The following ANK3 variants were observed in gnomAD, a reference collection of about 807,000 sequenced individuals.
ANK3 encodes the protein ankyrin-3.
Under a neutral mutation model 370.9 loss-of-function variants are expected in ANK3, and 57 were observed. The observed-to-expected ratio is 0.15, with a 90% CI of 0.12 to 0.19. The LOEUF is 0.19. ANK3 is among the 10% of genes least tolerant of loss of function. The pLI is 1.00. For missense variants in ANK3, 4,439 were observed against 5,302.1 expected, an observed-to-expected ratio of 0.84 and a Z score of 5.06; for synonymous variants, 1,929 against 1,946.3, an observed-to-expected ratio of 0.99 and a Z score of 0.23.
Position 60,075,307 on chromosome 10 carries a change from T to C in ANK3, c.5574A>G (p.Thr1858=), listed in dbSNP as rs1353107225. The change falls in exon 37 of 44, where the codon ACA becomes ACG. Residue 1858 remains threonine (T), a synonymous_variant. Coordinates refer to ENST00000280772, the MANE Select transcript of ANK3 (RefSeq NM_020987.5). ...SAAALLSPIK[T]LTTETHPQPH... ...GCTGAGGATGTGTCTCCGTAGTCAA[T>C]GTTTTAATGGGTGACAGCAAGGCTG... 1 of 1,614,198 alleles carries C rather than the reference T, an allele frequency of 6.2e-7. No individual in the cohort carries two copies. The highest frequency in any genetic ancestry group is 8.5e-7 in the Non-Finnish European group (1 of 1,180,018).
intron 30 of ANK3, among the ~76,000 whole-genome samples, chr10:60,086,204 G>A (rs997587890): frequency 6.6e-6 from 1 of 152,148 alleles, no homozygotes; most frequent in Non-Finnish European, 1.5e-5. Flanking sequence ...TTACACTGGC[G>A]AGTACAGTAG....
intron 29 of ANK3, 31 bp from the exon 30 acceptor site, chr10:60,086,915 G>T (rs775403258): frequency 8.6e-6 from 10 of 1,169,528 alleles, no homozygotes; most frequent in Non-Finnish European, 1.1e-5. Flanking sequence ...TTAAATGAAA[G>T]TGACTTTTTT....
At position 60,728,786 on chromosome 10, in the gene ANK3, A is replaced by C. The variant is rs180831340; in HGVS notation, c.57+4477T>G. Reference sequence around the variant, plus strand: ...CCATCAGTTACCAGACAAAGGTTCCAATCCAATTTCAGGTTACCAAATTAC... The same window carrying C: ...CCATCAGTTACCAGACAAAGGTTCCCATCCAATTTCAGGTTACCAAATTAC... On this transcript the variant is annotated intron_variant, in intron 1 of 43. Transcript: ENST00000373827. Among the ~76,000 whole-genome samples, 191 of 152,306 alleles carry C rather than the reference A, an allele frequency of 1.3e-3. 2 individuals carry two copies. Among genetic ancestry groups the C allele is most frequent in the African/African-American group, 4.4e-3 (184 of 41,578 alleles).
intron 1 of ANK3, among the ~76,000 whole-genome samples, chr10:60,308,918 T>C (rs2045773278): frequency 1.3e-5 from 2 of 152,144 alleles, no homozygotes; most frequent in African/African-American, 2.4e-5. Context: ...GGTGCTGTTT[T>C]TCCCACTGAG....
intron 7 of ANK3, among the ~76,000 whole-genome samples, chr10:60,236,246 A>AAGTCTTTTAAGTCTTTCTTAATCTCC (rs1565887834): frequency 3.9e-5 from 6 of 152,168 alleles, no homozygotes; most frequent in African/African-American, 1.2e-4. Context: ...AATTATCTCT[A>AAGTCTTTTAAGTCTTTCTTAATCTCC]ACAGATGAGG....
At chr10:60,228,403 G>A (rs111592566) in intron 8 of ANK3, among the ~76,000 whole-genome samples, 3,626 of 151,776 alleles carry the variant, frequency 0.024, 141 homozygotes, top group African/African-American at 0.08. Context: ...GCGAGGTGGC[G>A]TGTGCCTGTA....
chr10:60,191,326 C>G (rs2096475346), intron 16 of ANK3, among the ~76,000 whole-genome samples: 1 of 151,644 alleles, frequency 6.6e-6, no homozygotes. Context: ...AAAATATTCA[C>G]AACTATGCAT....
At chr10:60,395,755 G>T (rs538713118) in intron 2 of ANK3, among the ~76,000 whole-genome samples, 1 of 152,036 alleles carries the variant, frequency 6.6e-6, no homozygotes, top group African/African-American at 2.4e-5. Flanking sequence ...CACCCTGCTG[G>T]TCACTGTGTT....
chr10:60,404,862 C>T (rs1305443992), intron 2 of ANK3, among the ~76,000 whole-genome samples: 2 of 151,984 alleles, frequency 1.3e-5, no homozygotes, highest in Non-Finnish European at 2.9e-5. Context: ...TCCAACAAAT[C>T]AAAACAAAAA....
chr10:60,637,812 T>A (rs2078576034), intron 1 of ANK3, among the ~76,000 whole-genome samples: 1 of 152,192 alleles, frequency 6.6e-6, no homozygotes, highest in East Asian at 1.9e-4. Context: ...AAAGATTAAC[T>A]GCTATAGGAA....
chr10:60,189,774 C>A (rs965211673), intron 16 of ANK3, among the ~76,000 whole-genome samples: 2 of 152,070 alleles, frequency 1.3e-5, no homozygotes, highest in African/African-American at 4.8e-5. Flanking sequence ...TGTAGAGGAC[C>A]AAGTGCTTGC....
At position 60,088,331 on chromosome 10, in the gene ANK3, T is replaced by C; in HGVS notation, c.3356A>G (p.Lys1119Arg). The C allele has an allele frequency of 6.2e-7, 1 of 1,614,206 alleles. No homozygotes were observed. The highest frequency in any genetic ancestry group is 1.1e-5 in the South Asian group (1 of 91,084). ...CGTGATAATCCTGCAGATACGCTTT[T>C]TCCCTAACTCTTCTGGGCTATCAAG... ...EELDSPEELGKKRICRIITKD... is the reference protein window; with the variant it reads ...EELDSPEELGRKRICRIITKD... The change falls in exon 29 of 44, where the codon AAA becomes AGA. Residue 1119 changes from lysine to arginine, a missense_variant. Coordinates refer to ENST00000280772, the MANE Select transcript of ANK3 (RefSeq NM_020987.5).
intron 1 of ANK3, among the ~76,000 whole-genome samples, chr10:60,365,690 A>G (rs2059296721): frequency 1.3e-5 from 2 of 152,134 alleles, no homozygotes; most frequent in African/African-American, 4.8e-5. Context: ...ATTTCAGGAA[A>G]TTTTTCCAAT....
intron 1 of ANK3, among the ~76,000 whole-genome samples, chr10:60,316,985 A>T (rs2047581897): frequency 6.6e-6 from 1 of 152,258 alleles, no homozygotes; most frequent in Middle Eastern, 3.4e-3. Context: ...TGACCTCATG[A>T]TCCGCCCACC....
At chr10:60,237,559 T>A (rs2097352278) in intron 7 of ANK3, among the ~76,000 whole-genome samples, 2 of 152,150 alleles carry the variant, frequency 1.3e-5, no homozygotes, top group Admixed American at 6.5e-5. Context: ...ACTGTGGATG[T>A]GTAGATGACA....
chr10:60,396,317 T>G (rs2063238521), intron 2 of ANK3, among the ~76,000 whole-genome samples: 1 of 152,158 alleles, frequency 6.6e-6, no homozygotes, highest in Non-Finnish European at 1.5e-5. Flanking sequence ...ATCAAGACAG[T>G]GAGGAGCCAG....
At chr10:60,207,909 A>C in intron 10 of ANK3, 127 bp downstream of exon 10, 1 of 851,312 alleles carries the variant, frequency 1.2e-6, no homozygotes, top group Non-Finnish European at 1.8e-6. Flanking sequence ...ATTTGAAAAA[A>C]TTGACAAGAA....
At chr10:60,148,905 C>G (rs925850974) in intron 23 of ANK3, among the ~76,000 whole-genome samples, 1 of 152,184 alleles carries the variant, frequency 6.6e-6, no homozygotes, top group Non-Finnish European at 1.5e-5. Context: ...AGCTATTTGT[C>G]TAGCCTCAAC....
chr10:60,075,356 G>A lies in ANK3; in HGVS notation c.5525C>T (p.Ser1842Phe). Reference protein sequence around the residue: ...PEPALKKLPDSNSFTKSAAAL... With the variant: ...PEPALKKLPDFNSFTKSAAAL... Reference sequence around the variant, plus strand: ...TGCTGCTGATTTTGTAAATGAATTAGAGTCTGGAAGTTTCTTTAATGCTGG... The same window carrying A: ...TGCTGCTGATTTTGTAAATGAATTAAAGTCTGGAAGTTTCTTTAATGCTGG... Residue 1842 changes from serine to phenylalanine, a missense_variant, in exon 37 of 44, where the codon TCT (serine) becomes TTT (phenylalanine). Physicochemically the swap from Ser to Phe is radical, Grantham distance 155. This residue lies in a region of ANK3 where 679 missense variants were observed against 791.0 expected (regional missense o/e 0.86). Transcript: ENST00000280772. 6.2e-7 allele frequency: 1 copy of A among 1,614,134 alleles called. No homozygotes were observed. The highest frequency in any genetic ancestry group is 8.5e-7 in the Non-Finnish European group (1 of 1,180,018).
Sources: gnomAD v4.1 joint callset for allele counts (sites outside exome capture counted in the v4.1 genomes callset) on GRCh38, gnomAD v4.1.1 for gene constraint, gnomAD v4.1.1 regional missense constraint, MANE v1.5 for transcripts, NCBI Gene and HGNC (gene_info 2026-07-23, HGNC 2026-07-21) for gene names.